TRPC5: variants seen among roughly 807,000 people sequenced by gnomAD.
TRPC5 encodes transient receptor potential cation channel subfamily C member 5.
TRPC5 carries 9 observed loss-of-function variants against 56.5 expected under a neutral mutation model. The observed-to-expected ratio is 0.16, with a 90% CI of 0.10 to 0.28. TRPC5 has a LOEUF of 0.28. TRPC5 is among the 10% of genes least tolerant of loss of function. The pLI, the probability that TRPC5 is intolerant of heterozygous loss-of-function variation, is 1.00. For missense variants in TRPC5, 469 were observed against 748.9 expected, an observed-to-expected ratio of 0.63 and a Z score of 4.36; for synonymous variants, 282 against 278.5, an observed-to-expected ratio of 1.01 and a Z score of -0.13.
intron 1 of TRPC5, among the ~76,000 whole-genome samples, chrX:111,973,762 A>C (rs1242997942): frequency 1.8e-5 from 2 of 112,561 alleles, no homozygotes; most frequent in African/African-American, 3.2e-5. Flanking sequence ...CATTAGAAAC[A>C]AAGTAATAAT....
chrX:112,067,232 G>C (rs1356426703), intron 1 of TRPC5, among the ~76,000 whole-genome samples: 1 of 112,220 alleles, frequency 8.9e-6, no homozygotes, highest in Non-Finnish European at 1.9e-5. Context: ...TATTTTGCAG[G>C]GTCCCCAATA....
rs1370449006 is a variant in TRPC5, at chrX:111,773,447, G to A, written c.*2866C>T. On this transcript the variant is annotated 3_prime_UTR_variant, in exon 11 of 11. Coordinates refer to ENST00000262839, the MANE Select transcript of TRPC5 (RefSeq NM_012471.3). ...ATGATATGGATATTTTAGATAAGTA[G>A]TAAATGATTTTTGTATTATTTGTGT... 8.9e-6 allele frequency among the ~76,000 whole-genome samples: 1 copy of A among 111,873 alleles called. No individual in the cohort carries two copies.
At chrX:112,053,033 T>C (rs1461583857) in intron 1 of TRPC5, among the ~76,000 whole-genome samples, 1 of 111,260 alleles carries the variant, frequency 9.0e-6, no homozygotes, top group Non-Finnish European at 1.9e-5. Flanking sequence ...TAGAAGTGAC[T>C]CCCCTCACCC....
chrX:111,915,580 T>C (rs1925951345), intron 2 of TRPC5, among the ~76,000 whole-genome samples: 1 of 111,985 alleles, frequency 8.9e-6, no homozygotes, highest in South Asian at 3.8e-4. Flanking sequence ...CCCGCTCAAA[T>C]ACTGTGGGCA....
At chrX:111,984,755 T>C (rs1006212696) in intron 1 of TRPC5, among the ~76,000 whole-genome samples, 3 of 112,258 alleles carry the variant, frequency 2.7e-5, no homozygotes, top group Admixed American at 1.9e-4. Flanking sequence ...GACATAGGGG[T>C]GAACAGTTGA....
rs187290880 is a variant in TRPC5 at position 111,932,344 on chromosome X, A to C, written c.379-19532T>G. 8.0e-5 allele frequency among the ~76,000 whole-genome samples: 9 copies of C among 111,858 alleles called. No homozygotes were observed. The East Asian group carries it at 2.5e-3, about 32-fold the overall frequency. On this transcript the variant is annotated intron_variant, in intron 2 of 10. Coordinates refer to ENST00000262839, the MANE Select transcript of TRPC5 (RefSeq NM_012471.3). ...CAAACACATCAAACTGGATACATGA[A>C]ATGCATGCAGTTTTTTAATACATGA... is the stretch of plus-strand genomic sequence containing the variant.
intron 2 of TRPC5, among the ~76,000 whole-genome samples, chrX:111,916,035 G>A (rs1454919318): frequency 9.0e-6 from 1 of 111,432 alleles, no homozygotes; most frequent in Non-Finnish European, 1.9e-5. Flanking sequence ...TAAGATGGGA[G>A]GATTGCTTGA....
At chrX:111,790,877 T>C (rs1946014068) in intron 7 of TRPC5, among the ~76,000 whole-genome samples, 1 of 108,374 alleles carries the variant, frequency 9.2e-6, no homozygotes, top group Non-Finnish European at 1.9e-5. Flanking sequence ...AAAACTTAGC[T>C]GGGTATGGTG....
intron 1 of TRPC5, among the ~76,000 whole-genome samples, chrX:112,078,217 G>A (rs1430949592): frequency 1.8e-5 from 2 of 111,735 alleles, no homozygotes; most frequent in Non-Finnish European, 1.9e-5. Flanking sequence ...TTGTGTGTGT[G>A]AGTGTGTGTG....
chrX:111,835,401 T>C (rs775159361), intron 6 of TRPC5, among the ~76,000 whole-genome samples: 151 of 112,498 alleles, frequency 1.3e-3, no homozygotes, highest in African/African-American at 4.7e-3. Flanking sequence ...TTTCAAGAGC[T>C]ATTTCCTCTA....
At chrX:112,022,025 G>C (rs1199982153) in intron 1 of TRPC5, among the ~76,000 whole-genome samples, 1 of 112,291 alleles carries the variant, frequency 8.9e-6, no homozygotes, top group Admixed American at 9.4e-5. Flanking sequence ...CACTTAATGG[G>C]TGTTCAGTAA....
chrX:111,858,293 C>T (rs1026572161), intron 3 of TRPC5, among the ~76,000 whole-genome samples: 1 of 111,205 alleles, frequency 9.0e-6, no homozygotes, highest in African/African-American at 3.3e-5. Context: ...CTGCAGAGTG[C>T]GTACCCACTA....
chrX:112,051,370 G>T (rs895529007), intron 1 of TRPC5, among the ~76,000 whole-genome samples: 12 of 111,485 alleles, frequency 1.1e-4, no homozygotes, highest in African/African-American at 3.9e-4. Flanking sequence ...TGACTGTCTG[G>T]GGTGAATTCT....
intron 1 of TRPC5, among the ~76,000 whole-genome samples, chrX:112,048,399 C>CAAAAAA (rs58537492): frequency 0.065 from 1,397 of 21,437 alleles, 150 homozygotes; most frequent in African/African-American, 0.11. Context: ...GACTCCGTAT[C>CAAAAAA]AAAAAAAAAA....
intron 1 of TRPC5, among the ~76,000 whole-genome samples, chrX:112,070,749 G>GC (rs112880715): frequency 0.039 from 3,914 of 101,384 alleles, 220 homozygotes; most frequent in African/African-American, 0.14. Context: ...ACTGAAAACT[G>GC]CCCCCCCCCA....
chrX:111,877,376 A>T (rs975230442), intron 3 of TRPC5, among the ~76,000 whole-genome samples: 1 of 111,682 alleles, frequency 9.0e-6, no homozygotes, highest in Non-Finnish European at 1.9e-5. Flanking sequence ...TTTGGAACAG[A>T]CACTGTTGAG....
chrX:112,000,546 A>G (rs1928671116), intron 1 of TRPC5, among the ~76,000 whole-genome samples: 2 of 111,409 alleles, frequency 1.8e-5, no homozygotes, highest in Admixed American at 9.5e-5. Flanking sequence ...ACCACATTTG[A>G]GCTAGGAGAG....
intron 7 of TRPC5, among the ~76,000 whole-genome samples, chrX:111,805,765 C>T (rs1921486527): frequency 9.0e-6 from 1 of 111,000 alleles, no homozygotes; most frequent in Non-Finnish European, 1.9e-5. Flanking sequence ...CCTCACCTCC[C>T]AGGCTCAAGT....
intron 2 of TRPC5, among the ~76,000 whole-genome samples, chrX:111,939,379 A>T (rs1448088360): frequency 9.0e-6 from 1 of 110,864 alleles, no homozygotes; most frequent in Non-Finnish European, 1.9e-5. Flanking sequence ...ATGGCTCTTT[A>T]TCTGGCTTCG....
Sources: allele counts gnomAD v4.1 joint callset (sites outside exome capture counted in the v4.1 genomes callset), GRCh38; gene constraint gnomAD v4.1.1; transcripts MANE v1.5; gene names NCBI Gene and HGNC (gene_info 2026-07-23, HGNC 2026-07-21).